ZFYVE26: variants seen among roughly 807,000 people sequenced by gnomAD.
ZFYVE26 encodes zinc finger FYVE-type containing 26.
ZFYVE26 carries 181 observed loss-of-function variants against 276.5 expected under a neutral mutation model. The observed-to-expected ratio is 0.65, with a 90% CI of 0.58 to 0.74. The LOEUF (loss-of-function observed/expected upper bound fraction) is 0.74. Ranked by LOEUF, ZFYVE26 falls within the 30% of genes least tolerant of loss-of-function variation. The pLI is 0.00. For missense variants in ZFYVE26, 2,821 were observed against 3,097.9 expected (o/e 0.91, Z 2.12); for synonymous variants, 1,129 against 1,203.1 (o/e 0.94, Z 1.27).
intron 24 of ZFYVE26, 30 bp downstream of exon 24, chr14:67,778,096 G>GA: frequency 6.2e-7 from 1 of 1,614,014 alleles, no homozygotes; most frequent in African/African-American, 1.3e-5. Context: ...TCCCACCCCA[G>GA]AAGAAAAATG....
chr14:67,799,523 A>C, intron 10 of ZFYVE26: 1 of 1,589,540 alleles, frequency 6.3e-7, no homozygotes, highest in Non-Finnish European at 8.6e-7. Flanking sequence ...GGAAATGGAC[A>C]GTTTTCTGGC....
At chr14:67,787,886 C>T (rs4902519) in intron 16 of ZFYVE26, among the ~76,000 whole-genome samples, 97,151 of 152,064 alleles carry the variant, frequency 0.64, 31,616 homozygotes, top group East Asian at 0.92. Context: ...AGAACATCTG[C>T]TTGCAAGGTT....
chr14:67,767,905 T>A, intron 30 of ZFYVE26, 65 bp from the exon 31 acceptor site: 3 of 1,610,438 alleles, frequency 1.9e-6, no homozygotes, highest in Non-Finnish European at 2.5e-6. Flanking sequence ...CCCAGTCCAG[T>A]GAGCTGGCAT....
In ZFYVE26 at chr14:67,777,634, G is replaced by C; in HGVS notation, c.4899C>G (p.Tyr1633Ter). The change falls in exon 25 of 42, where the codon TAC becomes TAG. Residue 1633 changes from tyrosine (Y) to a stop codon, truncating the protein, a stop_gained. Transcript: ENST00000347230. LOFTEE classifies it high-confidence loss of function. ...SLATSHFLANYLTTHFYGQLT... is the reference protein window; with the variant it reads ...SLATSHFLAN ...GTTGTCCATAGAAGTGGGTGGTGAG[G>C]TAGTTGGCCAAGAAGTGAGAAGTGG... The C allele has an allele frequency of 6.2e-7, 1 of 1,614,150 alleles. No homozygotes were observed. The highest frequency in any genetic ancestry group is 8.5e-7 in the Non-Finnish European group (1 of 1,180,040).
chr14:67,805,402 A>T, intron 7 of ZFYVE26, 52 bp downstream of exon 7: 1 of 1,613,914 alleles, frequency 6.2e-7, no homozygotes, highest in East Asian at 2.2e-5. Flanking sequence ...CTAAGCCCGA[A>T]GCCCCACGTC....
At position 67,748,470 on chromosome 14, in the gene ZFYVE26, G is replaced by C. The variant is rs143198225; in HGVS notation, c.7586C>G (p.Pro2529Arg). The C allele has an allele frequency of 9.1e-4, 1,464 of 1,612,892 alleles. 15 individuals carry two copies. The African/African-American group carries it at 0.015, about 17-fold the overall frequency. Reference protein sequence around the residue: ...ICAQWLLTSHPRGAHGPGSRK With the variant: ...ICAQWLLTSHRRGAHGPGSRK ...GGAGCCTGGGCCATGGGCACCCCGG[G>C]GGTGGCTTGTCAGAAGCCACTGGGC... The change falls in exon 42 of 42, where the codon CCC (proline) becomes CGC (arginine). Residue 2529 changes from proline (P) to arginine (R), a missense_variant. Pro to Arg is a moderately radical substitution (Grantham distance 103, BLOSUM62 -2). Coordinates refer to ENST00000347230, the MANE Select transcript of ZFYVE26 (RefSeq NM_015346.4).
At chr14:67,805,080 G>T in intron 8 of ZFYVE26, 137 bp downstream of exon 8, 1 of 798,286 alleles carries the variant, frequency 1.3e-6, no homozygotes, top group Non-Finnish European at 2.1e-6. Context: ...TTTAATTGTT[G>T]GAACAATTTT....
chr14:67,804,661 G>C (rs981619191), intron 8 of ZFYVE26, among the ~76,000 whole-genome samples: 1 of 152,216 alleles, frequency 6.6e-6, no homozygotes, highest in East Asian at 1.9e-4. Flanking sequence ...GGTGAAGTGA[G>C]TGAAGAACAA....
intron 30 of ZFYVE26, 77 bp from the exon 31 acceptor site, chr14:67,767,917 A>G: frequency 6.3e-7 from 1 of 1,599,918 alleles, no homozygotes; most frequent in East Asian, 2.2e-5. Flanking sequence ...AGCTGGCATG[A>G]GTTGCAGGTA....
At position 67,783,332 on chromosome 14, in the gene ZFYVE26, T is replaced by C. The variant is rs1348928561; in HGVS notation, c.3820A>G (p.Ser1274Gly). 56 of 1,612,630 alleles carry C rather than the reference T, an allele frequency of 3.5e-5. No homozygotes were observed. The highest frequency in any genetic ancestry group is 4.7e-5 in the Non-Finnish European group (55 of 1,179,012). Residue 1274 changes from serine to glycine, a missense_variant, in exon 21 of 42, where the codon AGC becomes GGC. Coordinates refer to ENST00000347230, the MANE Select transcript of ZFYVE26 (RefSeq NM_015346.4). ...GGGTTCTCAGTTGTCCTCGGGGAGC[T>C]CGGTGTAGAAAGTGGGAGGTCATCC... ...CLDDLPLSTP[S>G]SPRTTENPTL... is the part of the protein sequence containing the mutation.
chr14:67,806,010 A>G (rs2040173703), intron 6 of ZFYVE26, among the ~76,000 whole-genome samples: 1 of 152,214 alleles, frequency 6.6e-6, no homozygotes. Context: ...CTGGGTGACG[A>G]GGGAAACTCT....
chr14:67,781,344 C>A lies in ZFYVE26; in HGVS notation c.4558G>T (p.Val1520Leu), dbSNP rs1195828164. Residue 1520 changes from valine to leucine, a missense_variant, in exon 22 of 42, where the codon GTG (valine) becomes TTG (leucine). Physicochemically the swap from Val to Leu is conservative, Grantham distance 32 (BLOSUM62 1). Transcript: ENST00000347230. Reference sequence around the variant, plus strand: ...GCGAGGGCCCATACCTTCTGATACACCTGCAGCTCCGCCAGCTTCCTCTGT... The same window carrying A: ...GCGAGGGCCCATACCTTCTGATACAACTGCAGCTCCGCCAGCTTCCTCTGT... ...ELQRKLAELQ[V>L]YQKILGLQSP... 2 of 1,614,166 alleles carry A rather than the reference C, an allele frequency of 1.2e-6. No homozygotes were observed. The highest frequency in any genetic ancestry group is 1.1e-5 in the South Asian group (1 of 91,084).
intron 13 of ZFYVE26, among the ~76,000 whole-genome samples, chr14:67,736,287 T>C (rs1194052528): frequency 6.6e-6 from 1 of 152,214 alleles, no homozygotes; most frequent in Non-Finnish European, 1.5e-5. Context: ...CATTCAACTG[T>C]AGTTGGGTAT....
intron 41 of ZFYVE26, 156 bp downstream of exon 41, chr14:67,750,896 A>G (rs1020491414): frequency 6.5e-6 from 6 of 920,508 alleles, no homozygotes; most frequent in Non-Finnish European, 1.0e-5. Flanking sequence ...CCTCCTTTCT[A>G]CACCCCTATC....
intron 14 of ZFYVE26, among the ~76,000 whole-genome samples, chr14:67,791,139 G>A (rs186654136): frequency 2.0e-5 from 3 of 152,216 alleles, no homozygotes; most frequent in Admixed American, 1.3e-4. Flanking sequence ...CTCAGGAGAT[G>A]GTGTAACATT....
chr14:67,745,929 C>CAAAAAAAAAAAAAAAAAA, downstream of ZFYVE26, among the ~76,000 whole-genome samples: 1 of 57,524 alleles, frequency 1.7e-5, no homozygotes, highest in Middle Eastern at 0.012. Context: ...GACCCTGTCT[C>CAAAAAAAAAAAAAAAAAA]AAAAAAAAAA....
chr14:67,775,773 A>G, intron 26 of ZFYVE26, 87 bp downstream of exon 26: 1 of 1,603,638 alleles, frequency 6.2e-7, no homozygotes, highest in Non-Finnish European at 8.5e-7. Context: ...AACCCAAAAT[A>G]TTAAAAGGGG....
At position 67,766,443 on chromosome 14, in the gene ZFYVE26, G is replaced by C; in HGVS notation, c.5795C>G (p.Pro1932Arg). 1 of 1,612,144 alleles carries C rather than the reference G, an allele frequency of 6.2e-7. No individual in the cohort carries two copies. The highest frequency in any genetic ancestry group is 8.5e-7 in the Non-Finnish European group (1 of 1,179,914). The change falls in exon 32 of 42, where the codon CCC (proline) becomes CGC (arginine). Residue 1932 changes from proline to arginine, a missense_variant. Pro to Arg is a moderately radical substitution (Grantham distance 103). Transcript: ENST00000347230. The part of the protein sequence containing the change: ...VRSEFYYEQA[P>R]SASLCIAILN... The stretch of plus-strand genomic sequence containing the variant: ...GATGGCAATGCACAAGGAGGCGCTG[G>C]GGGCCTGGCCGGGGTGGAAGAAGGG...
chr14:67,772,309 T>C, intron 27 of ZFYVE26, 99 bp from the exon 28 acceptor site: 4 of 1,343,178 alleles, frequency 3.0e-6, no homozygotes, highest in Admixed American at 2.0e-5. Flanking sequence ...CAAACCGTTA[T>C]TGAAAGAATA....
Sources: gnomAD v4.1 joint callset for allele counts (sites outside exome capture counted in the v4.1 genomes callset) on GRCh38, gnomAD v4.1.1 for gene constraint, MANE v1.5 for transcripts, NCBI Gene and HGNC (gene_info 2026-07-23, HGNC 2026-07-21) for gene names.